The following LPL variants were observed in gnomAD, a reference collection of about 807,000 sequenced individuals.
LPL encodes the protein lipoprotein lipase.
In LPL, 43 loss-of-function variants were observed where a neutral mutation model predicts 52.2. That is an observed-to-expected ratio of 0.82 (90% CI 0.64 to 1.06). The LOEUF is 1.06. Among genes scored for constraint, LPL ranks in the 50% least tolerant of loss-of-function variants. The pLI is 0.00. For missense variants in LPL, 639 were observed against 585.3 expected (o/e 1.09, Z -0.95); for synonymous variants, 244 against 215.6 (o/e 1.13, Z -1.15).
At chr8:19,954,515 C>T (rs1056837465) in intron 5 of LPL, among the ~76,000 whole-genome samples, 162 bp downstream of exon 5, 1 of 152,140 alleles carries the variant, frequency 6.6e-6, no homozygotes, top group African/African-American at 2.4e-5. Context: ...CACCTTAGAG[C>T]CAGGCAGACA....
intron 1 of LPL, among the ~76,000 whole-genome samples, chr8:19,941,235 T>C (rs2069836359): frequency 6.6e-6 from 1 of 152,252 alleles, no homozygotes; most frequent in South Asian, 2.1e-4. Flanking sequence ...AGGTGGGGTA[T>C]GTTTCGTATG....
intron 1 of LPL, among the ~76,000 whole-genome samples, chr8:19,947,498 C>T (rs1045348173): frequency 3.3e-5 from 5 of 152,072 alleles, no homozygotes; most frequent in South Asian, 2.1e-4. Flanking sequence ...GTTAGCCTGG[C>T]GTGGTGGCAC....
At chr8:19,962,961 C>A (rs2070053043) in intron 9 of LPL, among the ~76,000 whole-genome samples, 1 of 152,180 alleles carries the variant, frequency 6.6e-6, no homozygotes, top group Non-Finnish European at 1.5e-5. Flanking sequence ...CCTTTTCAAC[C>A]CTCCACACAT....
At position 19,944,407 on chromosome 8, in the gene LPL, C is replaced by A. The variant is rs559000893; in HGVS notation, c.89-3773C>A. Among the ~76,000 whole-genome samples the A allele has an allele frequency of 7.5e-6, 1 of 132,732 alleles. No individual in the cohort carries two copies. The highest frequency in any genetic ancestry group is 2.9e-5 in the African/African-American group (1 of 34,170). The allele number at this position is 132,732 out of a possible 152,430, so 87.1% of individuals were successfully genotyped here. A position where few individuals can be genotyped will look rare whatever the true frequency, so the allele number is the denominator to read the frequency against. On this transcript the variant is annotated intron_variant, in intron 1 of 9. Coordinates refer to ENST00000650287, the MANE Select transcript of LPL (RefSeq NM_000237.3). This position sits in a 1 kb window ranked among gnomAD's most constrained non-coding sequence, Gnocchi z 4.2. ...AACTATGACTATCAGTCTCAGAGAG[C>A]AAATGAATTACTGAGGAAGCCCTGT...
Position 19,944,296 on chromosome 8 carries a change from T to C in LPL, c.89-3884T>C, listed in dbSNP as rs1224270682. Among the ~76,000 whole-genome samples the C allele has an allele frequency of 6.6e-6, 1 of 152,164 alleles. No individual in the cohort carries two copies. The highest frequency in any genetic ancestry group is 1.5e-5 in the Non-Finnish European group (1 of 68,030). The stretch of plus-strand genomic sequence containing the variant: ...CAGACCAATCAATTCAGTCTGATCA[T>C]GATATTGATGTTTTTCTTCACCAAA... On this transcript the variant is annotated intron_variant, in intron 1 of 9. Coordinates refer to ENST00000650287, the MANE Select transcript of LPL (RefSeq NM_000237.3). This position sits in a 1 kb window ranked among gnomAD's most constrained non-coding sequence, Gnocchi z 4.2.
chr8:19,960,876 C>A, intron 7 of LPL, 25 bp from the exon 8 acceptor site: 1 of 1,598,940 alleles, frequency 6.3e-7, no homozygotes, highest in Non-Finnish European at 8.6e-7. Flanking sequence ...CTATAACTAA[C>A]CAAATTTATT....
In LPL at chr8:19,959,312, T is replaced by A. The variant is rs1310056282; in HGVS notation, c.1071T>A (p.His357Gln). The A allele has an allele frequency of 5.6e-6, 9 of 1,614,100 alleles. No individual in the cohort carries two copies. The highest frequency in any genetic ancestry group is 7.6e-6 in the Non-Finnish European group (9 of 1,179,986). The change falls in exon 7 of 10, where the codon CAT (histidine) becomes CAA (glutamine). Residue 357 changes from histidine to glutamine, a missense_variant. Transcript: ENST00000650287. ...TTTCTGGGACTGAGAGTGAAACCCA[T>A]ACCAATCAGGCCTTTGAGATTTCTC... is the stretch of plus-strand genomic sequence containing the variant. ...IHFSGTESET[H>Q]TNQAFEISLY...
intron 9 of LPL, among the ~76,000 whole-genome samples, chr8:19,963,684 AC>A (rs1216454819): frequency 1.3e-5 from 2 of 152,098 alleles, no homozygotes; most frequent in Admixed American, 6.6e-5. Flanking sequence ...TTCGTCCTTT[AC>A]AAAAATAGAA....
intron 9 of LPL, among the ~76,000 whole-genome samples, chr8:19,964,534 A>G (rs1260159407): frequency 6.6e-6 from 1 of 151,976 alleles, no homozygotes; most frequent in Middle Eastern, 3.2e-3. Context: ...TTTATTTTTT[A>G]CTTTTATTTA....
intron 2 of LPL, among the ~76,000 whole-genome samples, chr8:19,948,646 G>A (rs2069904610): frequency 6.6e-6 from 1 of 152,130 alleles, no homozygotes; most frequent in South Asian, 2.1e-4. Flanking sequence ...GATTGCTGTG[G>A]GGAACCGGTG....
In LPL at chr8:19,939,868, G is replaced by C. The variant is rs576220008; in HGVS notation, c.88+340G>C. 2.8e-4 allele frequency among the ~76,000 whole-genome samples: 43 copies of C among 152,334 alleles called. No individual in the cohort carries two copies. Among genetic ancestry groups the C allele is most frequent in the African/African-American group, 9.9e-4 (41 of 41,590 alleles). On this transcript the variant is annotated intron_variant, in intron 1 of 9. Transcript: ENST00000650287. This position sits in a 1 kb window ranked among gnomAD's most constrained non-coding sequence, Gnocchi z 4.0. Reference sequence around the variant, plus strand: ...TGGGGGCCGGGACGGCGGAGGCGGGGAGTAAGGGCCCGGCTGGCGGTGACC... The same window carrying C: ...TGGGGGCCGGGACGGCGGAGGCGGGCAGTAAGGGCCCGGCTGGCGGTGACC...
At chr8:19,949,312 A>G (rs374045257) in intron 2 of LPL, among the ~76,000 whole-genome samples, 4 of 152,178 alleles carry the variant, frequency 2.6e-5, no homozygotes, top group Non-Finnish European at 5.9e-5. Flanking sequence ...TGAAGAGGAC[A>G]ATCGCTACAA....
chr8:19,962,207 A>C lies in LPL; in HGVS notation c.1415A>C (p.Lys472Thr), dbSNP rs763291779. Residue 472 changes from lysine (K) to threonine (T), a missense_variant, in exon 9 of 10, where the codon AAG becomes ACG. Physicochemically the swap from Lys to Thr is moderately conservative, Grantham distance 78. Coordinates refer to ENST00000650287, the MANE Select transcript of LPL (RefSeq NM_000237.3). ...FVKCHDKSLN[K>T]KSG ...AAATGCCATGACAAGTCTCTGAATA[A>C]GAAGTCAGGCTGGTGAGCATTCTGG... 3 of 1,613,684 alleles carry C rather than the reference A, an allele frequency of 1.9e-6. No homozygotes were observed. Among genetic ancestry groups the C allele is most frequent in the Non-Finnish European group, 2.5e-6 (3 of 1,179,678 alleles).
intron 3 of LPL, 62 bp from the exon 4 acceptor site, chr8:19,953,248 G>C: frequency 4.2e-6 from 4 of 961,182 alleles, no homozygotes; most frequent in African/African-American, 1.6e-5. Context: ...TATTCATTTT[G>C]TTTCTTTTAG....
chr8:19,949,321 A>T (rs1185566417), intron 2 of LPL, among the ~76,000 whole-genome samples: 5 of 152,168 alleles, frequency 3.3e-5, no homozygotes, highest in Non-Finnish European at 7.4e-5. Flanking sequence ...CAATCGCTAC[A>T]ATTTTTATAG....
intron 8 of LPL, 142 bp downstream of exon 8, chr8:19,961,225 A>T: frequency 8.4e-6 from 2 of 238,606 alleles, no homozygotes; most frequent in Non-Finnish European, 1.4e-5. Context: ...GATTTTCTTT[A>T]GGAGTCTTCT....
chr8:19,946,449 C>T, intron 1 of LPL: 1 of 170,718 alleles, frequency 5.9e-6, no homozygotes, highest in South Asian at 1.1e-4. Context: ...TTGGCCAATC[C>T]TCAGATATTT....
At chr8:19,949,750 T>C (rs1047193964) in intron 2 of LPL, among the ~76,000 whole-genome samples, 2 of 152,200 alleles carry the variant, frequency 1.3e-5, no homozygotes, top group Admixed American at 1.3e-4. Flanking sequence ...CCCAAAGTGT[T>C]GGGATGACAG....
Position 19,950,010 on chromosome 8 carries a change from T to C in LPL, c.249+1670T>C, listed in dbSNP as rs1429498004. ...TGACCAACCCAATATCAACAGACGG[T>C]GCCACTTCCTATCATTGGTCCTACT... On this transcript the variant is annotated intron_variant, in intron 2 of 9. Coordinates refer to ENST00000650287, the MANE Select transcript of LPL (RefSeq NM_000237.3). The surrounding 1 kb of genome is among the most constrained non-coding windows in gnomAD (Gnocchi z 4.2). 2.0e-5 allele frequency among the ~76,000 whole-genome samples: 3 copies of C among 152,208 alleles called. No individual in the cohort carries two copies. Among genetic ancestry groups the C allele is most frequent in the African/African-American group, 7.2e-5 (3 of 41,450 alleles).
Sources: allele counts gnomAD v4.1 joint callset (sites outside exome capture counted in the v4.1 genomes callset), GRCh38; gene constraint gnomAD v4.1.1; non-coding constraint Gnocchi (gnomAD v3.1); transcripts MANE v1.5; gene names NCBI Gene and HGNC (gene_info 2026-07-23, HGNC 2026-07-21).